Variants in PKNOX2 observed in about 807,000 individuals in gnomAD.
The protein encoded by PKNOX2 is PBX/knotted 1 homeobox 2.
Under a neutral mutation model 53.1 loss-of-function variants are expected in PKNOX2, and 14 were observed. The observed-to-expected ratio is 0.26, with a 90% CI of 0.17 to 0.41. The LOEUF (loss-of-function observed/expected upper bound fraction) is 0.41, where lower values mean the gene tolerates loss of function less well. Among genes scored for constraint, PKNOX2 ranks in the 10% least tolerant of loss-of-function variants. The pLI is 1.00. For missense variants in PKNOX2, 496 were observed against 602.8 expected (o/e 0.82, Z 1.85); for synonymous variants, 257 against 242.8 (o/e 1.06, Z -0.54).
At chr11:125,172,763 G>A (rs563858926) in intron 1 of PKNOX2, among the ~76,000 whole-genome samples, 15 of 152,260 alleles carry the variant, frequency 9.9e-5, no homozygotes, top group Non-Finnish European at 1.8e-4. Context: ...CCACAAATCC[G>A]AGCAAAGAAT....
intron 1 of PKNOX2, among the ~76,000 whole-genome samples, chr11:125,177,499 T>C (rs1307954463): frequency 6.6e-6 from 1 of 152,200 alleles, no homozygotes; most frequent in African/African-American, 2.4e-5. Flanking sequence ...GGCTATGTGA[T>C]CCTGGGCAAC....
At chr11:125,267,051 C>G (rs984230862) in intron 2 of PKNOX2, among the ~76,000 whole-genome samples, 3 of 152,162 alleles carry the variant, frequency 2.0e-5, no homozygotes, top group African/African-American at 7.2e-5. Context: ...GGGGTTTTGT[C>G]CTTGCTATCA....
At chr11:125,315,187 T>C (rs756603924) in intron 2 of PKNOX2, among the ~76,000 whole-genome samples, 1 of 151,724 alleles carries the variant, frequency 6.6e-6, no homozygotes, top group Non-Finnish European at 1.5e-5. Flanking sequence ...TCCTTCCTTT[T>C]CTCCTCCCTA....
In PKNOX2 at chr11:125,290,147, T is replaced by C. The variant is rs369538983; in HGVS notation, c.-129-41672T>C. ...ATGAGGTCTCTGATGTGAGCTGGAC[T>C]GGGTTCTGGGAGCTCCAAAATCCTC... On this transcript the variant is annotated intron_variant, in intron 2 of 12. Coordinates refer to ENST00000298282, the MANE Select transcript of PKNOX2 (RefSeq NM_001382323.2). Among the ~76,000 whole-genome samples, 8 of 152,194 alleles carry C rather than the reference T, an allele frequency of 5.3e-5. No individual in the cohort carries two copies. In the East Asian group the frequency reaches 1.5e-3, roughly 29 times the overall value.
intron 1 of PKNOX2, among the ~76,000 whole-genome samples, chr11:125,223,617 C>T (rs929137771): frequency 2.0e-5 from 3 of 152,176 alleles, no homozygotes; most frequent in East Asian, 3.9e-4. Context: ...GTAACGAAGC[C>T]GTCAGTAAGG....
chr11:125,306,289 A>T (rs1338036535), intron 2 of PKNOX2, among the ~76,000 whole-genome samples: 3 of 152,020 alleles, frequency 2.0e-5, no homozygotes, highest in Non-Finnish European at 2.9e-5. Flanking sequence ...CCCCATTCGC[A>T]AATACCTAAC....
chr11:125,395,884 T>C lies in PKNOX2; in HGVS notation c.400-1990T>C, dbSNP rs528310598. Among the ~76,000 whole-genome samples, 5 of 152,290 alleles carry C rather than the reference T, an allele frequency of 3.3e-5. No homozygotes were observed. The South Asian group carries it at 1.0e-3, about 32-fold the overall frequency. On this transcript the variant is annotated intron_variant, in intron 6 of 12. Coordinates refer to ENST00000298282, the MANE Select transcript of PKNOX2 (RefSeq NM_001382323.2). Reference sequence around the variant, plus strand: ...TCCTCCAGTATGTAGTCTTTTCCTCTTCTTCACAGGGTCTTTTGAAGAGTA... The same window carrying C: ...TCCTCCAGTATGTAGTCTTTTCCTCCTCTTCACAGGGTCTTTTGAAGAGTA...
In PKNOX2 at chr11:125,411,462, TTCTCTCTCTCTCTC is replaced by T. The variant is rs3028442; in HGVS notation, c.817-249_817-236del. 2.6e-3 allele frequency: 665 copies of T among 252,734 alleles called. 2 individuals are homozygous for T. Among genetic ancestry groups the T allele is most frequent in the African/African-American group, 0.015 (407 of 27,106 alleles). 15.7% of individuals were successfully genotyped at this position (252,734 alleles called of 1,614,324 possible). A position where few individuals can be genotyped will look rare whatever the true frequency, so the allele number is the denominator to read the frequency against. On this transcript the variant is annotated intron_variant, in intron 9 of 12. Transcript: ENST00000298282. ...CTGCATGGCCCTGTTTCCTCTGTCTTTCTCTCTCTCTCTCTCTCTCTCTCTCTCTCTCTCTCTCT... is the reference window on the plus strand; with the variant it reads ...CTGCATGGCCCTGTTTCCTCTGTCTTTCTCTCTCTCTCTCTCTCTCTCTCT...
intron 2 of PKNOX2, among the ~76,000 whole-genome samples, chr11:125,304,513 G>A (rs868823808): frequency 5.6e-4 from 86 of 152,358 alleles, no homozygotes; most frequent in African/African-American, 2.4e-4. Flanking sequence ...CTCCCAGCCC[G>A]CTGCCTGGTC....
chr11:125,313,032 C>G (rs138448839), intron 2 of PKNOX2, among the ~76,000 whole-genome samples: 2 of 152,154 alleles, frequency 1.3e-5, no homozygotes, highest in Non-Finnish European at 2.9e-5. Context: ...CCGTGTCATG[C>G]TATCGCCTTC....
intron 3 of PKNOX2, among the ~76,000 whole-genome samples, chr11:125,335,219 C>G (rs982758643): frequency 6.6e-6 from 1 of 152,178 alleles, no homozygotes; most frequent in African/African-American, 2.4e-5. Context: ...TGAACGGGCC[C>G]CCTCTGAACT....
At chr11:125,226,929 T>G (rs1941747747) in intron 1 of PKNOX2, among the ~76,000 whole-genome samples, 1 of 152,068 alleles carries the variant, frequency 6.6e-6, no homozygotes, top group African/African-American at 2.4e-5. Context: ...CCGCTGGGGC[T>G]GGGAGGCTCT....
chr11:125,182,626 G>A (rs1433447651), intron 1 of PKNOX2, among the ~76,000 whole-genome samples: 1 of 152,212 alleles, frequency 6.6e-6, no homozygotes, highest in East Asian at 1.9e-4. Flanking sequence ...AGCCATCTGA[G>A]CCATTACATT....
chr11:125,313,675 G>T (rs1196955779), intron 2 of PKNOX2, among the ~76,000 whole-genome samples: 1 of 152,166 alleles, frequency 6.6e-6, no homozygotes, highest in Admixed American at 6.5e-5. Context: ...TCAGCACATC[G>T]CAGGGCCTCC....
At chr11:125,406,697 T>C (rs1281713232) in intron 7 of PKNOX2, among the ~76,000 whole-genome samples, 1 of 151,980 alleles carries the variant, frequency 6.6e-6, no homozygotes, top group Non-Finnish European at 1.5e-5. Flanking sequence ...CTCTGGGAAG[T>C]CACTTCCATC....
At chr11:125,419,898 AAAG>A in intron 10 of PKNOX2, among the ~76,000 whole-genome samples, 1 of 151,424 alleles carries the variant, frequency 6.6e-6, no homozygotes, top group East Asian at 1.9e-4. Flanking sequence ...AAAAAAAAAA[AAAG>A]GCCGAGTGCA....
intron 2 of PKNOX2, among the ~76,000 whole-genome samples, chr11:125,272,015 A>C (rs1481218563): frequency 3.3e-5 from 5 of 152,220 alleles, no homozygotes; most frequent in African/African-American, 1.2e-4. Flanking sequence ...ATAGCGACAA[A>C]TCACAGAACA....
At position 125,352,171 on chromosome 11, in the gene PKNOX2, T is replaced by A. The variant is rs1171299429; in HGVS notation, c.87+779T>A. On this transcript the variant is annotated intron_variant, in intron 4 of 12. Coordinates refer to ENST00000298282, the MANE Select transcript of PKNOX2 (RefSeq NM_001382323.2). This position sits in a 1 kb window ranked among gnomAD's most constrained non-coding sequence, Gnocchi z 4.1. ...GCTTTTCCTTTTTGCTTCCCCCAGG[T>A]GCTCCTCTTGTCCACCCTTGGTTCT... 6.6e-6 allele frequency among the ~76,000 whole-genome samples: 1 copy of A among 152,188 alleles called. No individual in the cohort carries two copies. The highest frequency in any genetic ancestry group is 1.5e-5 in the Non-Finnish European group (1 of 68,022).
At chr11:125,230,214 C>G (rs1044647872) in intron 1 of PKNOX2, among the ~76,000 whole-genome samples, 1 of 152,342 alleles carries the variant, frequency 6.6e-6, no homozygotes, top group East Asian at 1.9e-4. Context: ...GTGCAGTACC[C>G]TCAGTGCTGG....
Sources: allele counts gnomAD v4.1 joint callset (sites outside exome capture counted in the v4.1 genomes callset), GRCh38; gene constraint gnomAD v4.1.1; non-coding constraint Gnocchi (gnomAD v3.1); transcripts MANE v1.5; gene names NCBI Gene and HGNC (gene_info 2026-07-23, HGNC 2026-07-21).